The following SRGAP2C variants were observed in gnomAD, a reference collection of about 807,000 sequenced individuals.
SRGAP2C encodes SLIT-ROBO Rho GTPase-activating protein 2C.
SRGAP2C carries 15 observed loss-of-function variants against 25.1 expected under a neutral mutation model. The observed-to-expected ratio is 0.60, with a 90% CI of 0.40 to 0.92. The LOEUF is 0.92. Among genes scored for constraint, SRGAP2C ranks in the 40% least tolerant of loss-of-function variants. SRGAP2C has a pLI of 0.00. For synonymous variants in SRGAP2C, 44 were observed against 96.6 expected, an observed-to-expected ratio of 0.46 and a Z score of 3.19; for missense variants, 144 against 264.4, an observed-to-expected ratio of 0.54 and a Z score of 3.16.
In SRGAP2C at chr1:121,221,512, C is replaced by T. The variant is rs1249463581; in HGVS notation, c.67+33999C>T. 6.7e-5 allele frequency among the ~76,000 whole-genome samples: 5 copies of T among 74,770 alleles called. 2 individuals carry two copies. Among genetic ancestry groups the T allele is most frequent in the African/African-American group, 2.0e-4 (3 of 14,668 alleles). 49.1% of individuals were successfully genotyped at this position (74,770 alleles called of 152,430 possible). Reference sequence around the variant, plus strand: ...GATCACGAGATCAGGAGTTCGAGACCAGCCTGACTAACATAGTGAAACCTC... The same window carrying T: ...GATCACGAGATCAGGAGTTCGAGACTAGCCTGACTAACATAGTGAAACCTC... On this transcript the variant is annotated intron_variant, in intron 2 of 9. Transcript: ENST00000367123.
intron 2 of SRGAP2C, among the ~76,000 whole-genome samples, chr1:121,202,094 C>A (rs1553321775): frequency 6.6e-6 from 1 of 152,226 alleles, no homozygotes. Flanking sequence ...ACCTTCCCAT[C>A]TTGTTCCAGT....
chr1:121,368,075 CA>C (rs60409686), intron 5 of SRGAP2C, among the ~76,000 whole-genome samples: 48 of 46,506 alleles, frequency 1.0e-3, no homozygotes, highest in East Asian at 2.8e-3. Flanking sequence ...GACTCTGTCT[CA>C]AAAAAAAAAA....
intron 3 of SRGAP2C, among the ~76,000 whole-genome samples, chr1:121,312,228 T>C: frequency 3.8e-5 from 1 of 26,484 alleles, no homozygotes. Flanking sequence ...GTTTGTAGTA[T>C]TCTCTGATGG....
Position 121,261,094 on chromosome 1 carries a change from A to ATTTTTTTTTTTTTTTT in SRGAP2C, c.68-23695_68-23680dup, listed in dbSNP as rs1211026484. Among the ~76,000 whole-genome samples the ATTTTTTTTTTTTTTTT allele has an allele frequency of 4.2e-4, 11 of 26,266 alleles. 1 individual carries two copies. The highest frequency in any genetic ancestry group is 1.1e-3 in the African/African-American group (7 of 6,554). 17.2% of individuals were successfully genotyped at this position (26,266 alleles called of 152,430 possible). On this transcript the variant is annotated intron_variant, in intron 2 of 9. Transcript: ENST00000367123. The stretch of plus-strand genomic sequence containing the variant: ...CAGACATGCACCACCACACCTGGCT[A>ATTTTTTTTTTTTTTTT]TTTTTTTTTTTTTTTTTTTTTTTTT...
intron 4 of SRGAP2C, among the ~76,000 whole-genome samples, chr1:121,357,511 T>C (rs1659090179): frequency 1.3e-5 from 2 of 152,284 alleles, no homozygotes; most frequent in South Asian, 4.1e-4. Flanking sequence ...TGATCTTTCT[T>C]TGTTTTGTTT....
At chr1:121,361,693 G>T (rs1451854900) in intron 4 of SRGAP2C, 1 of 151,884 alleles carries the variant, frequency 6.6e-6, no homozygotes, top group Non-Finnish European at 1.5e-5. Flanking sequence ...ATCCCAGCCT[G>T]AGCACACCAT....
chr1:121,223,435 A>G (rs1433144398), intron 2 of SRGAP2C, among the ~76,000 whole-genome samples: 10 of 77,306 alleles, frequency 1.3e-4, no homozygotes, highest in East Asian at 1.1e-3. Context: ...AAGTCAGCCT[A>G]ATCTCTGCCC....
chr1:121,228,847 A>G lies in SRGAP2C; in HGVS notation c.67+41334A>G, dbSNP rs1270206803. ...CCCCAAACCCTGAGTTTGTCATGTTATGTGGGCATATTTGGTTGCCCAACT... is the reference window on the plus strand; with the variant it reads ...CCCCAAACCCTGAGTTTGTCATGTTGTGTGGGCATATTTGGTTGCCCAACT... On this transcript the variant is annotated intron_variant, in intron 2 of 9. Transcript: ENST00000367123. Among the ~76,000 whole-genome samples the G allele has an allele frequency of 3.0e-4, 45 of 150,758 alleles. 1 individual carries two copies. Among genetic ancestry groups the G allele is most frequent in the Admixed American group, 1.3e-3 (20 of 15,166 alleles).
chr1:121,272,604 T>G (rs1553335459), intron 2 of SRGAP2C, among the ~76,000 whole-genome samples: 1 of 151,642 alleles, frequency 6.6e-6, no homozygotes, highest in Non-Finnish European at 1.5e-5. Flanking sequence ...GGGGATTCTT[T>G]TTGTTAACCA....
intron 3 of SRGAP2C, among the ~76,000 whole-genome samples, chr1:121,286,078 TGCAGCCCACAGGCCATA>T (rs1657359345): frequency 6.6e-6 from 1 of 152,156 alleles, no homozygotes; most frequent in African/African-American, 2.4e-5. Context: ...CTGGCCCCCA[TGCAGCCCACAGGCCATA>T]GGTTGGACAA....
chr1:121,309,503 A>T (rs1479253523), intron 3 of SRGAP2C, among the ~76,000 whole-genome samples: 47 of 147,488 alleles, frequency 3.2e-4, no homozygotes, highest in African/African-American at 1.1e-3. Context: ...TACATGTGCC[A>T]TGCTGGTGCG....
At chr1:121,378,032 A>G (rs1265350553) in intron 7 of SRGAP2C, among the ~76,000 whole-genome samples, 1 of 151,824 alleles carries the variant, frequency 6.6e-6, no homozygotes, top group East Asian at 1.9e-4. Flanking sequence ...GAACAGAGGA[A>G]GATCTCAGTC....
intron 2 of SRGAP2C, among the ~76,000 whole-genome samples, chr1:121,230,793 C>A (rs1378697513): frequency 4.6e-5 from 7 of 152,004 alleles, no homozygotes; most frequent in African/African-American, 1.7e-4. Flanking sequence ...CCCAAATGCC[C>A]ATCAATGATA....
rs1200012967 is a variant in SRGAP2C at position 121,265,246 on chromosome 1, C to T, written c.68-19557C>T. 2.2e-5 allele frequency among the ~76,000 whole-genome samples: 3 copies of T among 137,820 alleles called. No individual in the cohort carries two copies. In the East Asian group the frequency reaches 6.2e-4, roughly 29 times the overall value. 90.4% of individuals were successfully genotyped at this position (137,820 alleles called of 152,430 possible). On this transcript the variant is annotated intron_variant, in intron 2 of 9. Coordinates refer to ENST00000367123, the MANE Select transcript of SRGAP2C (RefSeq NM_001329984.2). ...TTTCAGAGTAATATAATTTTGTGAA[C>T]CCCCTCAGGAATTTAAAAAATAATG...
chr1:121,361,158 C>T (rs1249757688), intron 4 of SRGAP2C: 1 of 103,036 alleles, frequency 9.7e-6, no homozygotes, highest in African/African-American at 3.7e-5. Context: ...ATGTAGATAA[C>T]CAATTAACAA....
intron 4 of SRGAP2C, among the ~76,000 whole-genome samples, chr1:121,332,420 A>T (rs1247833649): frequency 7.2e-6 from 1 of 138,150 alleles, no homozygotes; most frequent in Non-Finnish European, 1.6e-5. Flanking sequence ...TGAAGGGTGA[A>T]GTTAGCTTCA....
At chr1:121,355,402 C>T (rs2101638832) in intron 4 of SRGAP2C, among the ~76,000 whole-genome samples, 1 of 80,014 alleles carries the variant, frequency 1.2e-5, no homozygotes, top group Non-Finnish European at 2.4e-5. Context: ...ACTGCAAGCT[C>T]TGCCTCCCGG....
intron 2 of SRGAP2C, among the ~76,000 whole-genome samples, chr1:121,196,918 C>T (rs1392710427): frequency 6.6e-6 from 1 of 150,716 alleles, no homozygotes; most frequent in Non-Finnish European, 1.5e-5. Flanking sequence ...GTATCTTGCA[C>T]AATGTCACCA....
At chr1:121,248,613 A>AT (rs1241050516) in intron 2 of SRGAP2C, among the ~76,000 whole-genome samples, 1 of 149,168 alleles carries the variant, frequency 6.7e-6, no homozygotes, top group Non-Finnish European at 1.5e-5. Flanking sequence ...CGCCGGGCTA[A>AT]TTTTTTGTAT....
Sources: allele counts gnomAD v4.1 joint callset (sites outside exome capture counted in the v4.1 genomes callset), GRCh38; gene constraint gnomAD v4.1.1; transcripts MANE v1.5; gene names NCBI Gene and HGNC (gene_info 2026-07-23, HGNC 2026-07-21).